Variants in SMAD7 observed in about 807,000 individuals in gnomAD.
The protein encoded by SMAD7 is SMAD family member 7.
Under a neutral mutation model 38.7 loss-of-function variants are expected in SMAD7, and 8 were observed. The ratio of observed to expected loss-of-function variants is 0.21; its 90% CI spans 0.12 to 0.37. The LOEUF (loss-of-function observed/expected upper bound fraction) is 0.37, where lower values mean the gene tolerates loss of function less well. Among genes scored for constraint, SMAD7 ranks in the 10% least tolerant of loss-of-function variants. The pLI is 1.00. For missense variants in SMAD7, 477 were observed against 577.9 expected, an observed-to-expected ratio of 0.83 and a Z score of 1.79; for synonymous variants, 327 against 265.1, an observed-to-expected ratio of 1.23 and a Z score of -2.27.
chr18:48,947,251 C>T (rs2070205379), intron 2 of SMAD7, among the ~76,000 whole-genome samples: 1 of 152,224 alleles, frequency 6.6e-6, no homozygotes, highest in Non-Finnish European at 1.5e-5. Context: ...GCCTTCCCAA[C>T]TTGAGGGAGC....
chr18:48,943,950 G>T (rs909595079), intron 2 of SMAD7, among the ~76,000 whole-genome samples: 3 of 152,218 alleles, frequency 2.0e-5, no homozygotes, highest in Non-Finnish European at 4.4e-5. Context: ...AGGGGCAGAA[G>T]TGGAGGCAGG....
chr18:48,919,930 T>C lies in SMAD7; in HGVS notation c.*1442A>G, dbSNP rs562855336. On this transcript the variant is annotated 3_prime_UTR_variant, in exon 4 of 4. Coordinates refer to ENST00000262158, the MANE Select transcript of SMAD7 (RefSeq NM_005904.4). ...ACATTCAGCTAGGTGATAACACCCA[T>C]AGAAAAAAACACCAATCTTGTGTTT... 3.7e-4 allele frequency: 57 copies of C among 152,702 alleles called. 1 individual carries two copies. Among genetic ancestry groups the C allele is most frequent in the Admixed American group, 3.3e-3 (51 of 15,306 alleles). The allele number at this position is 152,702 out of a possible 1,614,324, so 9.5% of individuals were successfully genotyped here.
At chr18:48,932,679 C>T (rs1460527994) in intron 3 of SMAD7, among the ~76,000 whole-genome samples, 1 of 152,208 alleles carries the variant, frequency 6.6e-6, no homozygotes, top group African/African-American at 2.4e-5. Flanking sequence ...AGGAAACACC[C>T]TGGTAACTGC....
chr18:48,930,965 A>G (rs2069993370), intron 3 of SMAD7, among the ~76,000 whole-genome samples: 1 of 152,254 alleles, frequency 6.6e-6, no homozygotes, highest in African/African-American at 2.4e-5. Context: ...TTCATACAAT[A>G]AAATATTATT....
At chr18:48,948,498 A>C (rs2070222313) in intron 1 of SMAD7, 61 bp from the exon 2 acceptor site, 1 of 1,184,186 alleles carries the variant, frequency 8.4e-7, no homozygotes, top group Non-Finnish European at 1.2e-6. Flanking sequence ...ATAGAAACTT[A>C]TGATAACAGA....
chr18:48,948,449 A>G lies in SMAD7; in HGVS notation c.614-12T>C. On this transcript the variant is annotated splice_polypyrimidine_tract_variant and intron_variant, in intron 1 of 3. Coordinates refer to ENST00000262158, the MANE Select transcript of SMAD7 (RefSeq NM_005904.4). Reference sequence around the variant, plus strand: ...AGGGGGGGGAGACTCTGAAATTAAAAAAGCAAGAGAAAATAAAGGCCCAGC... The same window carrying G: ...AGGGGGGGGAGACTCTGAAATTAAAGAAGCAAGAGAAAATAAAGGCCCAGC... 1 of 1,582,446 alleles carries G rather than the reference A, an allele frequency of 6.3e-7. No individual in the cohort carries two copies. The highest frequency in any genetic ancestry group is 1.2e-5 in the South Asian group (1 of 86,310).
intron 3 of SMAD7, among the ~76,000 whole-genome samples, chr18:48,939,111 C>T (rs1213849611): frequency 6.6e-6 from 1 of 152,088 alleles, no homozygotes; most frequent in African/African-American, 2.4e-5. Flanking sequence ...TGTGTTTGCG[C>T]ACGGGATTGT....
At chr18:48,949,580 A>G (rs902853122) in intron 1 of SMAD7, among the ~76,000 whole-genome samples, 1 of 152,192 alleles carries the variant, frequency 6.6e-6, no homozygotes, top group African/African-American at 2.4e-5. Context: ...AAAACCTGGA[A>G]GGGAACCCCC....
At chr18:48,933,113 C>T (rs137988579) in intron 3 of SMAD7, among the ~76,000 whole-genome samples, 32 of 152,278 alleles carry the variant, frequency 2.1e-4, no homozygotes, top group African/African-American at 7.5e-4. Flanking sequence ...CGGGCTGGAA[C>T]CAAAACCCGG....
chr18:48,939,094 G>A (rs538773080), intron 3 of SMAD7, among the ~76,000 whole-genome samples: 6 of 152,096 alleles, frequency 3.9e-5, no homozygotes, highest in African/African-American at 1.2e-4. Context: ...GCATCCGCAC[G>A]CTCTCATGTG....
intron 3 of SMAD7, among the ~76,000 whole-genome samples, chr18:48,926,687 G>A (rs1383330556): frequency 1.3e-5 from 2 of 152,332 alleles, no homozygotes; most frequent in East Asian, 1.9e-4. Context: ...ACCTGGGAGC[G>A]CAAACATCAC....
chr18:48,942,656 C>T, intron 2 of SMAD7, 101 bp from the exon 3 acceptor site: 1 of 1,597,746 alleles, frequency 6.3e-7, no homozygotes, highest in Non-Finnish European at 8.5e-7. Context: ...ACAAACCACA[C>T]ATTCCAAAAG....
chr18:48,926,331 A>AAAT (rs1555715750), intron 3 of SMAD7, among the ~76,000 whole-genome samples: 1 of 151,940 alleles, frequency 6.6e-6, no homozygotes, highest in African/African-American at 2.4e-5. Flanking sequence ...CTTGGGGAAA[A>AAAT]AAGCCAGTAA....
chr18:48,946,792 A>G (rs1314453073), intron 2 of SMAD7, among the ~76,000 whole-genome samples: 1 of 152,226 alleles, frequency 6.6e-6, no homozygotes, highest in Non-Finnish European at 1.5e-5. Context: ...GCCTGGCAGA[A>G]TGACTGCTTA....
chr18:48,941,395 T>C (rs547305603), intron 3 of SMAD7, among the ~76,000 whole-genome samples: 43 of 152,266 alleles, frequency 2.8e-4, no homozygotes, highest in African/African-American at 9.4e-4. Context: ...GCTCAGTTCC[T>C]GAAGAGGAGA....
chr18:48,928,447 C>CT (rs776259036), intron 3 of SMAD7, among the ~76,000 whole-genome samples: 25 of 149,214 alleles, frequency 1.7e-4, no homozygotes, highest in African/African-American at 3.0e-4. Flanking sequence ...TCTAAACCAA[C>CT]TTTTTTTTTT....
In SMAD7 at chr18:48,921,286, A is replaced by G; in HGVS notation, c.*86T>C. On this transcript the variant is annotated 3_prime_UTR_variant, in exon 4 of 4. Transcript: ENST00000262158. The surrounding 1 kb of genome is among the most constrained non-coding windows in gnomAD (Gnocchi z 6.4). ...AAACGACCAAAGAGTTTGCATGAAA[A>G]GCAAGCACTCAGGAGGAAAATATTA... is the stretch of plus-strand genomic sequence containing the variant. The G allele has an allele frequency of 8.2e-7, 1 of 1,222,808 alleles. No homozygotes were observed. Among genetic ancestry groups the G allele is most frequent in the Non-Finnish European group, 1.1e-6 (1 of 883,498 alleles). 75.7% of individuals were successfully genotyped at this position (1,222,808 alleles called of 1,614,324 possible). A position where few individuals can be genotyped will look rare whatever the true frequency, so the allele number is the denominator to read the frequency against.
At chr18:48,930,800 G>T (rs1034677973) in intron 3 of SMAD7, among the ~76,000 whole-genome samples, 2 of 152,174 alleles carry the variant, frequency 1.3e-5, no homozygotes, top group African/African-American at 4.8e-5. Context: ...GTGTAATTTA[G>T]CAATTCCACC....
chr18:48,932,115 G>C (rs1304622098), intron 3 of SMAD7, among the ~76,000 whole-genome samples: 1 of 152,216 alleles, frequency 6.6e-6, no homozygotes, highest in Non-Finnish European at 1.5e-5. Flanking sequence ...TGATTCATGA[G>C]GGGGTGGGGC....
Sources: gnomAD v4.1 joint callset for allele counts (sites outside exome capture counted in the v4.1 genomes callset) on GRCh38, gnomAD v4.1.1 for gene constraint, Gnocchi (gnomAD v3.1) non-coding constraint, MANE v1.5 for transcripts, NCBI Gene and HGNC (gene_info 2026-07-23, HGNC 2026-07-21) for gene names.